Variants in THSD7B observed in about 807,000 individuals in gnomAD.
THSD7B encodes thrombospondin type 1 domain containing 7B.
Under a neutral mutation model 213.6 loss-of-function variants are expected in THSD7B, and 138 were observed. The observed-to-expected ratio is 0.65, with a 90% CI of 0.56 to 0.74. The LOEUF is 0.74. Ranked by LOEUF, THSD7B falls within the 30% of genes least tolerant of loss-of-function variation. The pLI is 0.00. For synonymous variants in THSD7B, 742 were observed against 687.0 expected, an observed-to-expected ratio of 1.08 and a Z score of -1.25; for missense variants, 1,931 against 1,991.5, an observed-to-expected ratio of 0.97 and a Z score of 0.58.
intron 15 of THSD7B, among the ~76,000 whole-genome samples, chr2:137,470,910 C>CTTTTTTTTTTTTTTTTT (rs70978226): frequency 5.8e-5 from 7 of 119,822 alleles, no homozygotes; most frequent in Non-Finnish European, 8.6e-5. Flanking sequence ...TTTTTCTTTA[C>CTTTTTTTTTTTTTTTTT]TTTTTTTTTT....
At chr2:137,289,491 C>T (rs776757491) in intron 12 of THSD7B, among the ~76,000 whole-genome samples, 12 of 151,744 alleles carry the variant, frequency 7.9e-5, no homozygotes, top group East Asian at 5.8e-4. Flanking sequence ...ACAAAAATCA[C>T]GTAGGGGCAA....
chr2:137,039,396 C>T (rs1686837644), intron 2 of THSD7B, among the ~76,000 whole-genome samples: 1 of 152,180 alleles, frequency 6.6e-6, no homozygotes, highest in South Asian at 2.1e-4. Context: ...TGTCTGGAGA[C>T]ATTTTTGATT....
intron 2 of THSD7B, among the ~76,000 whole-genome samples, chr2:137,031,847 T>TA (rs1686676914): frequency 6.7e-6 from 1 of 149,790 alleles, no homozygotes; most frequent in South Asian, 2.1e-4. Flanking sequence ...TTTTTTTTTT[T>TA]AGCTGGGGGT....
intron 1 of THSD7B, 101 bp from the exon 2 acceptor site, chr2:136,882,043 A>G: frequency 1.1e-6 from 1 of 888,562 alleles, no homozygotes; most frequent in Non-Finnish European, 1.6e-6. Context: ...TGCTAATGAA[A>G]AACTTGCAAT....
intron 27 of THSD7B, among the ~76,000 whole-genome samples, chr2:137,673,071 T>C (rs560689291): frequency 4.6e-5 from 7 of 152,192 alleles, no homozygotes; most frequent in Non-Finnish European, 8.8e-5. Context: ...CAAAGGCTTG[T>C]CTCTCACAAA....
intron 12 of THSD7B, among the ~76,000 whole-genome samples, chr2:137,347,852 T>C (rs1684911957): frequency 6.6e-6 from 1 of 151,614 alleles, no homozygotes; most frequent in Admixed American, 6.6e-5. Flanking sequence ...ACTAGAATTA[T>C]CATGCTTAGA....
intron 10 of THSD7B, among the ~76,000 whole-genome samples, chr2:137,247,233 A>C (rs1436501435): frequency 6.6e-6 from 1 of 152,234 alleles, no homozygotes; most frequent in Non-Finnish European, 1.5e-5. Flanking sequence ...GCCTTGCTGC[A>C]TATTTTCAAC....
At chr2:137,536,214 A>T (rs780849815) in intron 15 of THSD7B, among the ~76,000 whole-genome samples, 2 of 150,984 alleles carry the variant, frequency 1.3e-5, no homozygotes, top group Non-Finnish European at 3.0e-5. Flanking sequence ...TGTGCTACAG[A>T]TCCCAGTCTC....
At chr2:137,466,212 G>A (rs368018997) in intron 15 of THSD7B, among the ~76,000 whole-genome samples, 8 of 151,980 alleles carry the variant, frequency 5.3e-5, no homozygotes, top group Admixed American at 3.3e-4. Flanking sequence ...TCAAGGTAAC[G>A]GTAAATATTT....
chr2:137,281,716 C>T (rs1051050614), intron 12 of THSD7B, among the ~76,000 whole-genome samples: 9 of 152,130 alleles, frequency 5.9e-5, no homozygotes, highest in South Asian at 2.1e-4. Context: ...ATCCATGTCC[C>T]GACAAAGGAC....
At chr2:137,211,021 A>G (rs905605243) in intron 7 of THSD7B, among the ~76,000 whole-genome samples, 1 of 151,932 alleles carries the variant, frequency 6.6e-6, no homozygotes, top group African/African-American at 2.4e-5. Context: ...AACATTAACT[A>G]TTCTTTCTTA....
chr2:137,557,392 T>A (rs1313039645), intron 15 of THSD7B, among the ~76,000 whole-genome samples: 1 of 152,124 alleles, frequency 6.6e-6, no homozygotes, highest in Non-Finnish European at 1.5e-5. Context: ...AGAAACTCAC[T>A]TAAAACCACT....
intron 2 of THSD7B, among the ~76,000 whole-genome samples, chr2:136,912,516 A>T (rs1684279916): frequency 6.6e-6 from 1 of 151,950 alleles, no homozygotes; most frequent in Non-Finnish European, 1.5e-5. Flanking sequence ...ATCACCTGTA[A>T]ATAGGTCATA....
chr2:137,584,740 G>A (rs771922147), intron 17 of THSD7B, among the ~76,000 whole-genome samples: 1 of 152,196 alleles, frequency 6.6e-6, no homozygotes, highest in Non-Finnish European at 1.5e-5. Context: ...CGGTTTGCAA[G>A]TATTTTATTG....
intron 15 of THSD7B, among the ~76,000 whole-genome samples, chr2:137,464,346 A>G (rs1215591630): frequency 6.6e-6 from 1 of 152,040 alleles, no homozygotes; most frequent in East Asian, 1.9e-4. Context: ...TAAGATTTTT[A>G]TTATTAAGTG....
chr2:136,809,568 A>C (rs1682344330), intron 1 of THSD7B, among the ~76,000 whole-genome samples: 1 of 152,078 alleles, frequency 6.6e-6, no homozygotes, highest in Non-Finnish European at 1.5e-5. Context: ...CTTTCTAATA[A>C]TTTTCTGGGT....
At chr2:137,628,338 T>C (rs181808914) in intron 20 of THSD7B, among the ~76,000 whole-genome samples, 1 of 152,226 alleles carries the variant, frequency 6.6e-6, no homozygotes, top group Non-Finnish European at 1.5e-5. Context: ...TCAAGTGTTT[T>C]TATATTGACA....
chr2:136,834,446 G>T (rs937933170), intron 1 of THSD7B, among the ~76,000 whole-genome samples: 3 of 152,080 alleles, frequency 2.0e-5, no homozygotes, highest in Non-Finnish European at 4.4e-5. Flanking sequence ...CATATATCTA[G>T]GTAAAAGTGA....
chr2:137,028,296 A>G (rs1457633398), intron 2 of THSD7B, among the ~76,000 whole-genome samples: 1 of 152,230 alleles, frequency 6.6e-6, no homozygotes, highest in East Asian at 1.9e-4. Context: ...ATAAAATTAT[A>G]TAACAAATGG....
Sources: allele counts gnomAD v4.1 joint callset (sites outside exome capture counted in the v4.1 genomes callset), GRCh38; gene constraint gnomAD v4.1.1; transcripts MANE v1.5; gene names NCBI Gene and HGNC (gene_info 2026-07-23, HGNC 2026-07-21).